The following KCNK2 variants were observed in gnomAD, a reference collection of about 807,000 sequenced individuals.
The protein encoded by KCNK2 is potassium channel subfamily K member 2.
Under a neutral mutation model 40.5 loss-of-function variants are expected in KCNK2, and 21 were observed. The ratio of observed to expected loss-of-function variants is 0.52; its 90% CI spans 0.37 to 0.75. The LOEUF (loss-of-function observed/expected upper bound fraction) is 0.75, where lower values mean the gene tolerates loss of function less well. Ranked by LOEUF, KCNK2 falls within the 30% of genes least tolerant of loss-of-function variation. The probability of loss-of-function intolerance (pLI) is 0.00; values close to 1 mark genes in which losing one functional copy is unlikely to be tolerated. For missense variants in KCNK2, 399 were observed against 531.6 expected, an observed-to-expected ratio of 0.75 and a Z score of 2.45; for synonymous variants, 191 against 202.2, an observed-to-expected ratio of 0.94 and a Z score of 0.47.
chr1:215,201,808 T>C (rs1472721735), intron 6 of KCNK2, among the ~76,000 whole-genome samples: 2 of 152,210 alleles, frequency 1.3e-5, no homozygotes, highest in African/African-American at 2.4e-5. Flanking sequence ...ACTAAGAAGG[T>C]ACTTAGTCTT....
At chr1:215,096,025 A>G (rs1221147659) in intron 2 of KCNK2, among the ~76,000 whole-genome samples, 1 of 152,088 alleles carries the variant, frequency 6.6e-6, no homozygotes, top group Non-Finnish European at 1.5e-5. Flanking sequence ...GCAAAGACAC[A>G]CTAAATTCAC....
chr1:215,172,036 A>G lies in KCNK2; in HGVS notation c.676A>G (p.Thr226Ala). ...TCAGACCAAGATTCGCATCATCTCA[A>G]CAATCATATTTATACTATTTGGCTG... is the stretch of plus-strand genomic sequence containing the variant. ...VSQTKIRIISTIIFILFGCVL... is the reference protein window; with the variant it reads ...VSQTKIRIISAIIFILFGCVL... Residue 226 changes from threonine (T) to alanine (A), a missense_variant, in exon 5 of 7, where the codon ACA becomes GCA. By Grantham distance (58) the Thr-to-Ala change is moderately conservative (BLOSUM62 0). Coordinates refer to ENST00000444842, the MANE Select transcript of KCNK2 (RefSeq NM_001017425.3). The G allele has an allele frequency of 6.2e-7, 1 of 1,613,230 alleles. No individual in the cohort carries two copies. Among genetic ancestry groups the G allele is most frequent in the Non-Finnish European group, 8.5e-7 (1 of 1,179,590 alleles).
upstream of KCNK2, among the ~76,000 whole-genome samples, chr1:215,079,708 A>G (rs2102521617): frequency 6.6e-6 from 1 of 152,268 alleles, no homozygotes; most frequent in East Asian, 1.9e-4. Context: ...ATAAAGCTAA[A>G]TGGGATAAAC....
rs140288023 is a variant in KCNK2, at chr1:215,122,421, C to T, written c.358-2212C>T. On this transcript the variant is annotated intron_variant, in intron 2 of 6. Transcript: ENST00000444842. ...GATAATGAAGGGAAACCTGCCTTAT[C>T]TGATACTATAGTTACAACACAGAGT... Among the ~76,000 whole-genome samples the T allele has an allele frequency of 4.2e-3, 643 of 152,188 alleles. 4 individuals are homozygous for T. Among genetic ancestry groups the T allele is most frequent in the Non-Finnish European group, 6.5e-3 (441 of 67,986 alleles).
chr1:215,213,217 T>C (rs1665814094), intron 6 of KCNK2, among the ~76,000 whole-genome samples: 1 of 152,212 alleles, frequency 6.6e-6, no homozygotes, highest in Non-Finnish European at 1.5e-5. Flanking sequence ...TCTTTTTGTG[T>C]AGGGGCAGGG....
intron 1 of KCNK2, among the ~76,000 whole-genome samples, chr1:215,053,320 G>C (rs1056030418): frequency 1.3e-5 from 2 of 152,152 alleles, no homozygotes; most frequent in Admixed American, 6.5e-5. Context: ...TAGGTATTCT[G>C]GGTGGTGGGC....
chr1:215,050,689 T>C (rs991638794), intron 1 of KCNK2, among the ~76,000 whole-genome samples: 1 of 152,170 alleles, frequency 6.6e-6, no homozygotes, highest in East Asian at 1.9e-4. Context: ...ATGAGAACTG[T>C]CAATAACCAA....
chr1:215,141,777 C>G (rs1375709573), intron 3 of KCNK2, among the ~76,000 whole-genome samples: 2 of 152,072 alleles, frequency 1.3e-5, no homozygotes, highest in Non-Finnish European at 2.9e-5. Flanking sequence ...TATTAGTAAT[C>G]TATTTTCCAA....
chr1:215,091,143 G>T (rs12133857), intron 2 of KCNK2, among the ~76,000 whole-genome samples: 21,562 of 152,182 alleles, frequency 0.14, 1,569 homozygotes, highest in Middle Eastern at 0.25. Context: ...AGCATTTAAT[G>T]AGAGGAAGAT....
At chr1:215,224,462 A>C (rs1666304527) in intron 6 of KCNK2, among the ~76,000 whole-genome samples, 1 of 152,188 alleles carries the variant, frequency 6.6e-6, no homozygotes, top group African/African-American at 2.4e-5. Flanking sequence ...TCTTGCAAAA[A>C]TAGGGAGTTG....
intron 1 of KCNK2, among the ~76,000 whole-genome samples, chr1:215,072,398 G>A (rs765657604): frequency 6.6e-6 from 1 of 152,180 alleles, no homozygotes; most frequent in African/African-American, 2.4e-5. Flanking sequence ...CTGCAACCAG[G>A]AGAACTTAAG....
At chr1:215,158,776 T>C (rs1663058786) in intron 3 of KCNK2, among the ~76,000 whole-genome samples, 1 of 152,128 alleles carries the variant, frequency 6.6e-6, no homozygotes, top group African/African-American at 2.4e-5. Flanking sequence ...ACGCCTGCCC[T>C]ACCCCAGGCC....
At chr1:215,114,792 C>T (rs1321119414) in intron 2 of KCNK2, among the ~76,000 whole-genome samples, 1 of 152,086 alleles carries the variant, frequency 6.6e-6, no homozygotes, top group African/African-American at 2.4e-5. Context: ...CCTAAAAGCA[C>T]AGAAATTTCT....
chr1:215,207,441 C>T (rs1036373186), intron 6 of KCNK2, among the ~76,000 whole-genome samples: 1 of 152,198 alleles, frequency 6.6e-6, no homozygotes. Context: ...TTCCATGAAA[C>T]CGGCCCCTGG....
intron 5 of KCNK2, among the ~76,000 whole-genome samples, chr1:215,173,987 T>C (rs898661254): frequency 7.2e-5 from 11 of 152,240 alleles, no homozygotes; most frequent in Admixed American, 5.9e-4. Context: ...AGATCCCATT[T>C]GTCAATTTTG....
chr1:215,184,977 T>C (rs1664374637), intron 5 of KCNK2, among the ~76,000 whole-genome samples: 1 of 152,190 alleles, frequency 6.6e-6, no homozygotes, highest in Admixed American at 6.5e-5. Context: ...AAAATATTTT[T>C]CTTTATCATT....
chr1:215,095,501 G>A (rs1279674284), intron 2 of KCNK2, among the ~76,000 whole-genome samples: 3 of 152,078 alleles, frequency 2.0e-5, no homozygotes, highest in Non-Finnish European at 4.4e-5. Flanking sequence ...GGCACATATT[G>A]TTTAACCAAG....
intron 1 of KCNK2, among the ~76,000 whole-genome samples, chr1:215,016,907 AC>A (rs140432539): frequency 0.068 from 10,366 of 152,238 alleles, 392 homozygotes; most frequent in Middle Eastern, 0.14. Context: ...GAGCAAGAAA[AC>A]AAATAACCCA....
At chr1:215,034,254 A>C (rs1657306158) in intron 1 of KCNK2, among the ~76,000 whole-genome samples, 1 of 152,142 alleles carries the variant, frequency 6.6e-6, no homozygotes, top group Non-Finnish European at 1.5e-5. Flanking sequence ...ATCTCTCAGT[A>C]ATTCAATGCT....
Sources: gnomAD v4.1 joint callset for allele counts (sites outside exome capture counted in the v4.1 genomes callset) on GRCh38, gnomAD v4.1.1 for gene constraint, MANE v1.5 for transcripts, NCBI Gene and HGNC (gene_info 2026-07-23, HGNC 2026-07-21) for gene names.